The following SETD5 variants were observed in gnomAD, a reference collection of about 807,000 sequenced individuals.
SETD5 encodes SET domain containing 5.
In SETD5, 44 loss-of-function variants were observed where a neutral mutation model predicts 153.3. The observed-to-expected ratio is 0.29, with a 90% confidence interval of 0.23 to 0.37. The LOEUF (loss-of-function observed/expected upper bound fraction) is 0.37. Among genes scored for constraint, SETD5 ranks in the 10% least tolerant of loss-of-function variants. The probability of loss-of-function intolerance (pLI) is 1.00; values close to 1 mark genes in which losing one functional copy is unlikely to be tolerated. For missense variants in SETD5, 1,544 were observed against 1,768.0 expected, an observed-to-expected ratio of 0.87 and a Z score of 2.27; for synonymous variants, 716 against 645.2, an observed-to-expected ratio of 1.11 and a Z score of -1.66.
chr3:9,436,245 A>G (rs1469400207), intron 7 of SETD5, among the ~76,000 whole-genome samples: 1 of 152,142 alleles, frequency 6.6e-6, no homozygotes, highest in African/African-American at 2.4e-5. Context: ...ACCCCAAAGT[A>G]CAGTCTGAAA....
chr3:9,428,172 G>A (rs1192683551), intron 2 of SETD5, among the ~76,000 whole-genome samples: 1 of 152,030 alleles, frequency 6.6e-6, no homozygotes, highest in Non-Finnish European at 1.5e-5. Context: ...TTATATTTTT[G>A]TTCATATCTA....
intron 17 of SETD5, among the ~76,000 whole-genome samples, chr3:9,456,409 G>A (rs902588056): frequency 2.0e-5 from 3 of 150,592 alleles, no homozygotes; most frequent in Non-Finnish European, 4.4e-5. Context: ...GGAGGTGGAG[G>A]TTGCAGTGAG....
intron 17 of SETD5, among the ~76,000 whole-genome samples, chr3:9,461,032 T>A (rs1160989886): frequency 5.3e-5 from 8 of 152,104 alleles, no homozygotes; most frequent in Non-Finnish European, 1.2e-4. Flanking sequence ...ATCAGTAAAC[T>A]GGGAAAATAC....
chr3:9,424,242 A>G (rs2038824078), intron 1 of SETD5, among the ~76,000 whole-genome samples: 1 of 152,236 alleles, frequency 6.6e-6, no homozygotes, highest in African/African-American at 2.4e-5. Context: ...TTTAAGTCAA[A>G]TAATTTCCTT....
At chr3:9,408,784 T>G (rs766056498) in intron 1 of SETD5, among the ~76,000 whole-genome samples, 6 of 152,160 alleles carry the variant, frequency 3.9e-5, no homozygotes, top group Non-Finnish European at 8.8e-5. Context: ...TCTTAAAAAT[T>G]GAAGACCTGG....
At chr3:9,448,081 C>A in intron 15 of SETD5, 75 bp downstream of exon 15, 2 of 1,424,144 alleles carry the variant, frequency 1.4e-6, no homozygotes, top group Non-Finnish European at 1.9e-6. Context: ...ACCTATAATC[C>A]CTAGAAGAAA....
chr3:9,428,799 A>G (rs1165938593), intron 2 of SETD5, 24 bp from the exon 3 acceptor site: 1 of 486,058 alleles, frequency 2.1e-6, no homozygotes, highest in Admixed American at 3.6e-5. Context: ...TTATTTTACT[A>G]GATATTTTCC....
chr3:9,410,536 T>C (rs1486190213), intron 1 of SETD5, among the ~76,000 whole-genome samples: 1 of 152,106 alleles, frequency 6.6e-6, no homozygotes, highest in African/African-American at 2.4e-5. Flanking sequence ...AATACTTAAA[T>C]GGTTAATAAG....
intron 18 of SETD5, among the ~76,000 whole-genome samples, chr3:9,467,216 A>C (rs1189743008): frequency 2.1e-5 from 3 of 143,090 alleles, no homozygotes; most frequent in South Asian, 4.5e-4. Flanking sequence ...AAAAAAAAAA[A>C]AAAAAAAACA....
chr3:9,436,812 A>C, intron 7 of SETD5: 4 of 1,543,516 alleles, frequency 2.6e-6, no homozygotes, highest in Non-Finnish European at 3.5e-6. Context: ...CTTGGTACCA[A>C]GTTTTGTTTG....
At chr3:9,460,132 T>G (rs892538131) in intron 17 of SETD5, among the ~76,000 whole-genome samples, 1 of 152,024 alleles carries the variant, frequency 6.6e-6, no homozygotes, top group Middle Eastern at 3.2e-3. Context: ...AATACTATTA[T>G]CTACCTAGAG....
At chr3:9,412,325 T>G (rs2036685524) in intron 1 of SETD5, among the ~76,000 whole-genome samples, 1 of 151,442 alleles carries the variant, frequency 6.6e-6, no homozygotes, top group African/African-American at 2.4e-5. Flanking sequence ...TACACTAAAG[T>G]TATCTTCCCT....
intron 19 of SETD5, among the ~76,000 whole-genome samples, chr3:9,472,115 A>C (rs1014134002): frequency 1.3e-5 from 2 of 152,250 alleles, no homozygotes; most frequent in Non-Finnish European, 2.9e-5. Context: ...AAACATGAAA[A>C]CAATCTTTGG....
At chr3:9,404,290 C>T (rs1025828848) in intron 1 of SETD5, among the ~76,000 whole-genome samples, 5 of 151,846 alleles carry the variant, frequency 3.3e-5, no homozygotes, top group Admixed American at 1.3e-4. Flanking sequence ...ATTAAGCAAG[C>T]CTGACCAAGT....
chr3:9,431,896 C>T (rs1016452642), intron 3 of SETD5: 13 of 174,312 alleles, frequency 7.5e-5, no homozygotes, highest in Non-Finnish European at 1.5e-4. Context: ...TTCAGTGGTA[C>T]AAAACCTATA....
chr3:9,413,142 A>G (rs1299095272), intron 1 of SETD5, among the ~76,000 whole-genome samples: 1 of 152,202 alleles, frequency 6.6e-6, no homozygotes, highest in Non-Finnish European at 1.5e-5. Flanking sequence ...CCCTGTTGAT[A>G]CTGCTTGCCC....
chr3:9,454,548 G>C (rs1226849648), intron 17 of SETD5, among the ~76,000 whole-genome samples: 1 of 149,178 alleles, frequency 6.7e-6, no homozygotes, highest in Non-Finnish European at 1.5e-5. Flanking sequence ...CTTGAACCCG[G>C]GAGGTGGAGG....
At position 9,434,511 on chromosome 3, in the gene SETD5, A is replaced by G. The variant is rs758834221; in HGVS notation, c.329+26A>G. 4 of 1,613,568 alleles carry G rather than the reference A, an allele frequency of 2.5e-6. No individual in the cohort carries two copies. The South Asian group carries it at 3.3e-5, about 13-fold the overall frequency. The stretch of plus-strand genomic sequence containing the variant: ...GTAAGATCCTGTTCCATCTAAATTT[A>G]AGTCTGGGTTGCTGGGATTAGGGTT... On this transcript the variant is annotated intron_variant, in intron 5 of 22. Coordinates refer to ENST00000402198, the MANE Select transcript of SETD5 (RefSeq NM_001080517.3). This position sits in a 1 kb window ranked among gnomAD's most constrained non-coding sequence, Gnocchi z 5.6.
chr3:9,437,267 T>C (rs1333400158), intron 7 of SETD5, among the ~76,000 whole-genome samples: 1 of 152,166 alleles, frequency 6.6e-6, no homozygotes, highest in Non-Finnish European at 1.5e-5. Flanking sequence ...TGTGTGGGCT[T>C]TAATTGCAGG....
Sources: gnomAD v4.1 joint callset for allele counts (sites outside exome capture counted in the v4.1 genomes callset) on GRCh38, gnomAD v4.1.1 for gene constraint, Gnocchi (gnomAD v3.1) non-coding constraint, MANE v1.5 for transcripts, NCBI Gene and HGNC (gene_info 2026-07-23, HGNC 2026-07-21) for gene names.